Variants in FBXO25 observed in about 807,000 individuals in gnomAD.
The protein encoded by FBXO25 is F-box protein 25.
Under a neutral mutation model 51.9 loss-of-function variants are expected in FBXO25, and 45 were observed. The ratio of observed to expected loss-of-function variants is 0.87; its 90% CI spans 0.68 to 1.11. The LOEUF (loss-of-function observed/expected upper bound fraction) is 1.11, where lower values mean the gene tolerates loss of function less well. Ranked by LOEUF, FBXO25 falls within the 50% of genes most tolerant of loss-of-function variation. The pLI is 0.00. For synonymous variants in FBXO25, 199 were observed against 151.0 expected (o/e 1.32, Z -2.33); for missense variants, 507 against 428.5 (o/e 1.18, Z -1.62).
rs1585120319 is a variant in FBXO25 at position 471,767 on chromosome 8, A to G, written c.*2963A>G. 2 of 152,358 alleles carry G rather than the reference A, an allele frequency of 1.3e-5. No homozygotes were observed. The highest frequency in any genetic ancestry group is 6.5e-5 in the Admixed American group (1 of 15,302). The allele number at this position is 152,358 out of a possible 1,614,324, so 9.4% of individuals were successfully genotyped here. ...TTGGAAAGCCATGCAGTAGCCTCTC[A>G]GGAGCAGACCGATTTGTAGCTGTCG... On this transcript the variant is annotated 3_prime_UTR_variant, in exon 10 of 10. Transcript: ENST00000350302.
rs150103702 is a variant in FBXO25, at chr8:424,447, G to A, written c.135-6894G>A. Among the ~76,000 whole-genome samples, 1,467 of 152,252 alleles carry A rather than the reference G, an allele frequency of 9.6e-3. 26 individuals are homozygous for A. Among genetic ancestry groups the A allele is most frequent in the African/African-American group, 0.033 (1,352 of 41,532 alleles). On this transcript the variant is annotated intron_variant, in intron 2 of 9. Transcript: ENST00000350302. ...CCAAAAATTCTTTGCCAAGGCCAAC[G>A]TCAAGAAGAGTATTTCCTAGGTTAT...
chr8:449,422 C>G (rs896570668), intron 5 of FBXO25, among the ~76,000 whole-genome samples: 1 of 152,208 alleles, frequency 6.6e-6, no homozygotes, highest in Non-Finnish European at 1.5e-5. Flanking sequence ...TCCCAGAATA[C>G]AAATTCTACA....
chr8:454,039 G>C (rs540467633), intron 7 of FBXO25, among the ~76,000 whole-genome samples: 17 of 152,272 alleles, frequency 1.1e-4, no homozygotes, highest in African/African-American at 4.1e-4. Flanking sequence ...CAGGGGATTT[G>C]CTTGAACCCG....
At chr8:449,167 A>G (rs1798919715) in intron 5 of FBXO25, among the ~76,000 whole-genome samples, 1 of 152,268 alleles carries the variant, frequency 6.6e-6, no homozygotes, top group Non-Finnish European at 1.5e-5. Flanking sequence ...AGAGATTTAC[A>G]AAAGTTGAAA....
Position 463,656 on chromosome 8 carries a change from G to C in FBXO25, c.987+506G>C, listed in dbSNP as rs1221092878. The stretch of plus-strand genomic sequence containing the variant: ...AGAGAAGTCCTAGATTTTAAAATCT[G>C]CATTTTTCTCATTCATATGATCAGA... On this transcript the variant is annotated intron_variant, in intron 9 of 9. Coordinates refer to ENST00000350302, the MANE Select transcript of FBXO25 (RefSeq NM_183420.2). Among the ~76,000 whole-genome samples, 4 of 152,226 alleles carry C rather than the reference G, an allele frequency of 2.6e-5. No individual in the cohort carries two copies. The East Asian group carries it at 7.7e-4, about 29-fold the overall frequency.
intron 2 of FBXO25, among the ~76,000 whole-genome samples, chr8:430,005 C>T (rs566660934): frequency 6.6e-6 from 1 of 152,238 alleles, no homozygotes; most frequent in Non-Finnish European, 1.5e-5. Context: ...TCTTTAGGTT[C>T]ACCTTGCTTT....
chr8:438,946 G>A (rs1798256558), intron 5 of FBXO25, among the ~76,000 whole-genome samples: 1 of 152,160 alleles, frequency 6.6e-6, no homozygotes, highest in African/African-American at 2.4e-5. Flanking sequence ...AGGAGCAGGG[G>A]CTTGGTTTGT....
At chr8:423,262 C>G (rs1213087016) in intron 2 of FBXO25, among the ~76,000 whole-genome samples, 3 of 152,168 alleles carry the variant, frequency 2.0e-5, no homozygotes, top group African/African-American at 4.8e-5. Flanking sequence ...CATTGTGGTT[C>G]TTACTCAGAG....
chr8:471,215 T>G lies in FBXO25; in HGVS notation c.*2411T>G, dbSNP rs1237461593. On this transcript the variant is annotated 3_prime_UTR_variant, in exon 10 of 10. Coordinates refer to ENST00000350302, the MANE Select transcript of FBXO25 (RefSeq NM_183420.2). ...GGGTCACAGCCTCCTGCAGGTGCGT[T>G]CGAGGGACAAGCTGTGGGAGCTGGG... 1.3e-5 allele frequency: 2 copies of G among 152,268 alleles called. No homozygotes were observed. Among genetic ancestry groups the G allele is most frequent in the Non-Finnish European group, 2.9e-5 (2 of 68,104 alleles). The allele number at this position is 152,268 out of a possible 1,614,324, so 9.4% of individuals were successfully genotyped here. A position where few individuals can be genotyped will look rare whatever the true frequency, so the allele number is the denominator to read the frequency against.
chr8:436,869 G>A (rs888125839), intron 5 of FBXO25, among the ~76,000 whole-genome samples: 1 of 152,190 alleles, frequency 6.6e-6, no homozygotes, highest in African/African-American at 2.4e-5. Flanking sequence ...TTAATTCTTG[G>A]TGTGAGTGAG....
intron 5 of FBXO25, among the ~76,000 whole-genome samples, chr8:437,418 G>C (rs1220513431): frequency 6.6e-6 from 1 of 152,194 alleles, no homozygotes; most frequent in Non-Finnish European, 1.5e-5. Context: ...GTGCATCTCT[G>C]TTGATTGCTG....
In FBXO25 at chr8:476,940, C is replaced by A. The variant is rs570848747; in HGVS notation, c.*8136C>A. 9.3e-4 allele frequency: 142 copies of A among 152,200 alleles called. 1 individual carries two copies. The highest frequency in any genetic ancestry group is 3.3e-3 in the African/African-American group (138 of 41,510). The allele number at this position is 152,200 out of a possible 1,614,324, so 9.4% of individuals were successfully genotyped here. ...TGTTTAATAGGTGTATTTACAGTTACAAATTTCCCTCCTACCACTGCTTTG... is the reference window on the plus strand; with the variant it reads ...TGTTTAATAGGTGTATTTACAGTTAAAAATTTCCCTCCTACCACTGCTTTG... On this transcript the variant is annotated 3_prime_UTR_variant, in exon 10 of 10. Transcript: ENST00000350302.
chr8:462,013 C>G (rs1350111201), intron 8 of FBXO25, among the ~76,000 whole-genome samples: 1 of 152,090 alleles, frequency 6.6e-6, no homozygotes, highest in African/African-American at 2.4e-5. Context: ...GGTTATAAAC[C>G]TAGGAGTAGA....
Position 468,902 on chromosome 8 carries a change from G to A in FBXO25, c.*98G>A. 1.8e-6 allele frequency: 2 copies of A among 1,130,892 alleles called. No individual in the cohort carries two copies. Among genetic ancestry groups the A allele is most frequent in the South Asian group, 1.6e-5 (1 of 62,100 alleles). The allele number at this position is 1,130,892 out of a possible 1,614,324, so 70.1% of individuals were successfully genotyped here. ...TGAGGTGGGTGGAGACTCCTCGGAA[G>A]CCCCTGCTTCCAGAAAGCCTGGGAA... is the stretch of plus-strand genomic sequence containing the variant. On this transcript the variant is annotated 3_prime_UTR_variant, in exon 10 of 10. Coordinates refer to ENST00000350302, the MANE Select transcript of FBXO25 (RefSeq NM_183420.2).
At chr8:457,454 G>C (rs1412143550) in intron 7 of FBXO25, among the ~76,000 whole-genome samples, 1 of 152,182 alleles carries the variant, frequency 6.6e-6, no homozygotes, top group Admixed American at 6.5e-5. Flanking sequence ...TATCTTCTGA[G>C]GGCAGATGCA....
chr8:454,728 A>G (rs2116756615), intron 7 of FBXO25, among the ~76,000 whole-genome samples: 1 of 152,042 alleles, frequency 6.6e-6, no homozygotes, highest in Non-Finnish European at 1.5e-5. Context: ...CATCTCTACT[A>G]AAAATACAAA....
chr8:458,330 C>T (rs772033604), intron 7 of FBXO25, 39 bp from the exon 8 acceptor site: 3 of 1,594,976 alleles, frequency 1.9e-6, no homozygotes, highest in Non-Finnish European at 2.6e-6. Context: ...CAAACATTGG[C>T]CATCTTCTCA....
rs3779746 is a variant in FBXO25 at position 469,066 on chromosome 8, C to A, written c.*262C>A. 5,170 of 359,078 alleles carry A rather than the reference C, an allele frequency of 0.014. 63 individuals carry two copies. The highest frequency in any genetic ancestry group is 0.039 in the African/African-American group (1,853 of 47,990). 22.2% of individuals were successfully genotyped at this position (359,078 alleles called of 1,614,324 possible). A position where few individuals can be genotyped will look rare whatever the true frequency, so the allele number is the denominator to read the frequency against. ...GTGAAATTTTGCGTACTCTCTCTCT[C>A]TATATATATAGTTCAAAAATACTTT... On this transcript the variant is annotated 3_prime_UTR_variant, in exon 10 of 10. Transcript: ENST00000350302.
At chr8:465,380 A>T (rs1800088771) in intron 9 of FBXO25, among the ~76,000 whole-genome samples, 1 of 152,214 alleles carries the variant, frequency 6.6e-6, no homozygotes, top group South Asian at 2.1e-4. Context: ...ATTGTTTTGT[A>T]CTATAGAACT....
Sources: allele counts gnomAD v4.1 joint callset (sites outside exome capture counted in the v4.1 genomes callset), GRCh38; gene constraint gnomAD v4.1.1; transcripts MANE v1.5; gene names NCBI Gene and HGNC (gene_info 2026-07-23, HGNC 2026-07-21).